SIGLEC10: variants seen among roughly 807,000 people sequenced by gnomAD.
SIGLEC10 encodes sialic acid binding Ig like lectin 10, also known as sialic acid-binding Ig-like lectin 10.
A neutral mutation model predicts 68.3 loss-of-function variants in SIGLEC10; 45 were observed. The ratio of observed to expected loss-of-function variants is 0.66; its 90% confidence interval spans 0.52 to 0.84. SIGLEC10 has a LOEUF of 0.84. SIGLEC10 is among the 40% of genes least tolerant of loss of function. SIGLEC10 has a pLI of 0.00. For missense variants in SIGLEC10, 789 were observed against 883.1 expected (o/e 0.89, Z 1.35); for synonymous variants, 379 against 370.8 (o/e 1.02, Z -0.26).
intron 5 of SIGLEC10, 136 bp downstream of exon 5, chr19:51,415,762 T>G: frequency 6.4e-7 from 1 of 1,573,184 alleles, no homozygotes; most frequent in Non-Finnish European, 8.6e-7. Flanking sequence ...ACAAACTGCA[T>G]GAGGGTCTAC....
rs1246294510 is a variant in SIGLEC10 at position 51,410,049 on chromosome 19, T to TAAAGGAAC, written c.*1042_*1049dup. The TAAAGGAAC allele has an allele frequency of 1.3e-5, 2 of 152,150 alleles. No homozygotes were observed. Among genetic ancestry groups the TAAAGGAAC allele is most frequent in the Admixed American group, 6.6e-5 (1 of 15,264 alleles). 9.4% of individuals were successfully genotyped at this position (152,150 alleles called of 1,614,324 possible). A position where few individuals can be genotyped will look rare whatever the true frequency, so the allele number is the denominator to read the frequency against. On this transcript the variant is annotated 3_prime_UTR_variant, in exon 11 of 11. Transcript: ENST00000339313. ...GGTGAAAGCAAGTTTATTAAGAAAG[T>TAAAGGAAC]AAAGGAACAAAAGAATGGCTACTCC... is the stretch of plus-strand genomic sequence containing the variant.
Position 51,414,940 on chromosome 19 carries a change from C to T in SIGLEC10, c.1499G>A (p.Gly500Glu). The part of the protein sequence containing the change: ...DSFEVTPSSA[G>E]PWANSSLSLH... The stretch of plus-strand genomic sequence containing the variant: ...GCTCAGGGAGCTGTTGGCCCAGGGC[C>T]CGGCTGAGCTGGGGGTGACCTCGAA... Residue 500 changes from glycine (G) to glutamate (E), a missense_variant, in exon 8 of 11, where the codon GGG (glycine) becomes GAG (glutamate). Physicochemically the swap from Gly to Glu is moderately conservative, Grantham distance 98. Coordinates refer to ENST00000339313, the MANE Select transcript of SIGLEC10 (RefSeq NM_033130.5). The surrounding 1 kb of genome is among the most constrained non-coding windows in gnomAD (Gnocchi z 4.1). 1.2e-6 allele frequency: 2 copies of T among 1,614,072 alleles called. No individual in the cohort carries two copies. Among genetic ancestry groups the T allele is most frequent in the Non-Finnish European group, 1.7e-6 (2 of 1,180,004 alleles).
intron 4 of SIGLEC10, 36 bp downstream of exon 4, chr19:51,416,274 C>T (rs200256024): frequency 3.7e-5 from 59 of 1,613,456 alleles, no homozygotes; most frequent in Non-Finnish European, 4.7e-5. Flanking sequence ...CATCTAAAGA[C>T]AACTGGCCCA....
intron 9 of SIGLEC10, 108 bp from the exon 10 acceptor site, chr19:51,413,931 G>T: frequency 1.2e-6 from 1 of 800,498 alleles, no homozygotes. Context: ...GTTACCACTT[G>T]AGACCGTCAT....
Position 51,411,002 on chromosome 19 carries a change from G to T in SIGLEC10, c.*97C>A. 7.3e-7 allele frequency: 1 copy of T among 1,362,056 alleles called. No homozygotes were observed. Among genetic ancestry groups the T allele is most frequent in the Admixed American group, 2.2e-5 (1 of 44,728 alleles). The allele number at this position is 1,362,056 out of a possible 1,614,324, so 84.4% of individuals were successfully genotyped here. A position where few individuals can be genotyped will look rare whatever the true frequency, so the allele number is the denominator to read the frequency against. On this transcript the variant is annotated 3_prime_UTR_variant, in exon 11 of 11. Transcript: ENST00000339313. The stretch of plus-strand genomic sequence containing the variant: ...AGAGAGAGAGAGAGAAAGAGAGAGA[G>T]AGAGGGAGAGAAGGAAACTTTGCAC...
intron 2 of SIGLEC10, 33 bp from the exon 3 acceptor site, chr19:51,416,983 G>A: frequency 1.3e-5 from 21 of 1,596,746 alleles, no homozygotes; most frequent in Non-Finnish European, 1.7e-5. Context: ...AGATTCTTGT[G>A]CTGCAGGGGT....
chr19:51,412,186 T>G (rs1419527007), intron 10 of SIGLEC10, among the ~76,000 whole-genome samples: 1 of 151,144 alleles, frequency 6.6e-6, no homozygotes, highest in Non-Finnish European at 1.5e-5. Flanking sequence ...AAGAATAGCA[T>G]GCATGCACGG....
chr19:51,414,573 G>T lies in SIGLEC10; in HGVS notation c.1616-58C>A. 6.5e-7 allele frequency: 1 copy of T among 1,534,666 alleles called. No homozygotes were observed. Among genetic ancestry groups the T allele is most frequent in the Non-Finnish European group, 9.0e-7 (1 of 1,113,486 alleles). ...CATCCACGCAGGGCTCACGAAGCCC[G>T]CTCATCACTCGGCATTAAGGCTTCC... On this transcript the variant is annotated intron_variant, in intron 8 of 10. Coordinates refer to ENST00000339313, the MANE Select transcript of SIGLEC10 (RefSeq NM_033130.5). This position sits in a 1 kb window ranked among gnomAD's most constrained non-coding sequence, Gnocchi z 4.1.
At position 51,410,978 on chromosome 19, in the gene SIGLEC10, G is replaced by C; in HGVS notation, c.*121C>G. ...TGTTTTTTTAAAAGAGAGAGAAAGA[G>C]AGAGAGAGAGAGAAAGAGAGAGAGA... On this transcript the variant is annotated 3_prime_UTR_variant, in exon 11 of 11. Transcript: ENST00000339313. 8.8e-7 allele frequency: 1 copy of C among 1,142,114 alleles called. No homozygotes were observed. The highest frequency in any genetic ancestry group is 1.2e-6 in the Non-Finnish European group (1 of 806,896). The allele number at this position is 1,142,114 out of a possible 1,614,324, so 70.7% of individuals were successfully genotyped here.
chr19:51,415,271 G>A lies in SIGLEC10; in HGVS notation c.1240C>T (p.Arg414Trp), dbSNP rs1160678579. ...PSDPGVLELP[R>W]VQVEHEGEFT... ...TCTCCTTCGTGCTCCACTTGAACCC[G>A]AGGCAGCTCCAGGACCCCGGGGTCT... is the stretch of plus-strand genomic sequence containing the variant. The change falls in exon 7 of 11, where the codon CGG becomes TGG. Residue 414 changes from arginine (R) to tryptophan (W), a missense_variant. Transcript: ENST00000339313. The A allele has an allele frequency of 6.2e-6, 10 of 1,613,964 alleles. No homozygotes were observed. The highest frequency in any genetic ancestry group is 1.7e-5 in the Admixed American group (1 of 59,992).
chr19:51,417,470 G>C lies in SIGLEC10; in HGVS notation c.38-5C>G. The C allele has an allele frequency of 1.2e-6, 2 of 1,613,828 alleles. No individual in the cohort carries two copies. The highest frequency in any genetic ancestry group is 1.7e-6 in the Non-Finnish European group (2 of 1,179,786). ...TCCCATCCATAGCCTGGGACCCTGT[G>C]GGGAGACAGAGGCTCAACCTGCAAC... On this transcript the variant is annotated splice_polypyrimidine_tract_variant and splice_region_variant and intron_variant, in intron 1 of 10. Coordinates refer to ENST00000339313, the MANE Select transcript of SIGLEC10 (RefSeq NM_033130.5).
At position 51,415,953 on chromosome 19, in the gene SIGLEC10, G is replaced by A. The variant is rs766032908; in HGVS notation, c.969C>T (p.Cys323=). Reference sequence around the variant, plus strand: ...GGGAGCCAAGCCTGTTCTCCGCTCGGCAGGTGTAGCGCCCTGAATCCCCAG... The same window carrying A: ...GGGAGCCAAGCCTGTTCTCCGCTCGACAGGTGTAGCGCCCTGAATCCCCAG... ...VKAGDSGRYT[C]RAENRLGSQQ... The change falls in exon 5 of 11, where the codon TGC becomes TGT. Residue 323 remains cysteine (C), a synonymous_variant. Transcript: ENST00000339313. The A allele has an allele frequency of 4.3e-6, 7 of 1,613,500 alleles. No homozygotes were observed. In the African/African-American group the frequency reaches 8.0e-5, roughly 18 times the overall value.
rs773518026 is a variant in SIGLEC10 at position 51,415,437 on chromosome 19, G to T, written c.1074C>A (p.Val358=). The change falls in exon 7 of 11, where the codon GTC becomes GTA. Residue 358 remains valine, a splice_region_variant and synonymous_variant. Transcript: ENST00000339313. ...RVMVSQANRT[V]LENLGNGTSL... ...ACGTGCCGTTCCCAAGGTTTTCCAG[G>T]ACTAGGGAAGGAAGAGGCAGAATCG... 13 of 1,606,240 alleles carry T rather than the reference G, an allele frequency of 8.1e-6. No homozygotes were observed. Among genetic ancestry groups the T allele is most frequent in the Non-Finnish European group, 1.0e-5 (12 of 1,175,100 alleles).
chr19:51,415,727 C>T, intron 5 of SIGLEC10, 112 bp from the exon 6 acceptor site: 1 of 1,584,766 alleles, frequency 6.3e-7, no homozygotes, highest in Non-Finnish European at 8.6e-7. Flanking sequence ...AAGGGCAGGG[C>T]AGAATCACCC....
At chr19:51,412,119 A>T (rs905633687) in intron 10 of SIGLEC10, among the ~76,000 whole-genome samples, 2 of 152,120 alleles carry the variant, frequency 1.3e-5, no homozygotes, top group African/African-American at 4.8e-5. Context: ...TCCAGCCTAG[A>T]CAACAACAGT....
rs755055858 is a variant in SIGLEC10 at position 51,415,388 on chromosome 19, T to A, written c.1123A>T (p.Ser375Cys). 1 of 1,610,688 alleles carries A rather than the reference T, an allele frequency of 6.2e-7. No individual in the cohort carries two copies. Among genetic ancestry groups the A allele is most frequent in the Non-Finnish European group, 8.5e-7 (1 of 1,178,084 alleles). Residue 375 changes from serine to cysteine, a missense_variant, in exon 7 of 11, where the codon AGC becomes TGC. By Grantham distance (112) the Ser-to-Cys change is moderately radical. Coordinates refer to ENST00000339313, the MANE Select transcript of SIGLEC10 (RefSeq NM_033130.5). The part of the protein sequence containing the change: ...GTSLPVLEGQ[S>C]LCLVCVTHSS... ...TGTGTGACACAGACCAGGCACAGGCTTTGGCCCTCCAGTACTGGGAGAGAC... is the reference window on the plus strand; with the variant it reads ...TGTGTGACACAGACCAGGCACAGGCATTGGCCCTCCAGTACTGGGAGAGAC...
rs775736612 is a variant in SIGLEC10 at position 51,417,153 on chromosome 19, A to T, written c.350T>A (p.Phe117Tyr). The change falls in exon 2 of 11, where the codon TTC becomes TAC. Residue 117 changes from phenylalanine to tyrosine, a missense_variant. Coordinates refer to ENST00000339313, the MANE Select transcript of SIGLEC10 (RefSeq NM_033130.5). Reference protein sequence around the residue: ...DAQMQDESQYFFRVERGSYVR... With the variant: ...DAQMQDESQYYFRVERGSYVR... ...ATAGCTTCCTCTCTCCACCCGAAAGAAGTACTGTGACTCATCCTGCATCTG... is the reference window on the plus strand; with the variant it reads ...ATAGCTTCCTCTCTCCACCCGAAAGTAGTACTGTGACTCATCCTGCATCTG... 4 of 1,614,112 alleles carry T rather than the reference A, an allele frequency of 2.5e-6. No individual in the cohort carries two copies. The highest frequency in any genetic ancestry group is 3.4e-6 in the Non-Finnish European group (4 of 1,180,032).
chr19:51,413,809 G>C lies in SIGLEC10; in HGVS notation c.1724C>G (p.Pro575Arg). Residue 575 changes from proline (P) to arginine (R), a missense_variant, in exon 10 of 11, where the codon CCG becomes CGG. Transcript: ENST00000339313. ...CLALIIMKIL[P>R]KRRTQTETPR... is the part of the protein sequence containing the mutation. ...GGTTTCTGTCTGAGTCCGTCTCTTC[G>C]GTAGAATCTTCATGCTGAGGAAATG... The C allele has an allele frequency of 6.2e-7, 1 of 1,613,938 alleles. No homozygotes were observed. The highest frequency in any genetic ancestry group is 8.5e-7 in the Non-Finnish European group (1 of 1,179,934).
At chr19:51,413,610 T>C in intron 10 of SIGLEC10, 102 bp downstream of exon 10, 1 of 1,039,002 alleles carries the variant, frequency 9.6e-7, no homozygotes. Flanking sequence ...CTATCGGTGC[T>C]TTTCCCACCT....
Sources: allele counts gnomAD v4.1 joint callset (sites outside exome capture counted in the v4.1 genomes callset), GRCh38; gene constraint gnomAD v4.1.1; non-coding constraint Gnocchi (gnomAD v3.1); transcripts MANE v1.5; gene names NCBI Gene and HGNC (gene_info 2026-07-23, HGNC 2026-07-21).